Variants in NEO1 observed in about 807,000 individuals in gnomAD.
NEO1 encodes the protein neogenin.
In NEO1, 63 loss-of-function variants were observed where a neutral mutation model predicts 159.7. The ratio of observed to expected loss-of-function variants is 0.39; its 90% CI spans 0.32 to 0.49. The LOEUF (loss-of-function observed/expected upper bound fraction) is 0.49. NEO1 is among the 20% of genes least tolerant of loss of function. The probability of loss-of-function intolerance (pLI) is 0.85; values close to 1 mark genes in which losing one functional copy is unlikely to be tolerated. For missense variants in NEO1, 1,615 were observed against 1,831.0 expected (o/e 0.88, Z 2.15); for synonymous variants, 633 against 662.0 (o/e 0.96, Z 0.67).
At chr15:73,241,534 G>T (rs1278171100) in intron 8 of NEO1, among the ~76,000 whole-genome samples, 1 of 152,154 alleles carries the variant, frequency 6.6e-6, no homozygotes, top group Non-Finnish European at 1.5e-5. Flanking sequence ...CATAAAGAAA[G>T]TGAGGCCCAG....
intron 6 of NEO1, among the ~76,000 whole-genome samples, chr15:73,178,071 T>G (rs532366841): frequency 6.6e-6 from 1 of 152,318 alleles, no homozygotes; most frequent in Non-Finnish European, 1.5e-5. Context: ...AGTATGACTT[T>G]CCATGCGTTA....
In NEO1 at chr15:73,116,695, G is replaced by A. The variant is rs1344233756; in HGVS notation, c.286G>A (p.Val96Ile). The A allele has an allele frequency of 6.2e-7, 1 of 1,613,922 alleles. No individual in the cohort carries two copies. Among genetic ancestry groups the A allele is most frequent in the Admixed American group, 1.7e-5 (1 of 60,000 alleles). Residue 96 changes from valine to isoleucine, a missense_variant, in exon 2 of 29, where the codon GTA becomes ATA. Coordinates refer to ENST00000261908, the MANE Select transcript of NEO1 (RefSeq NM_002499.4). ...AAAAGATGGAACTTTTTTAAACTTA[G>A]TATCAGATGATCGACGCCAGCTTCT... ...WKKDGTFLNL[V>I]SDDRRQLLPD...
intron 25 of NEO1, among the ~76,000 whole-genome samples, chr15:73,291,857 T>C (rs1213213559): frequency 2.6e-5 from 4 of 152,160 alleles, no homozygotes; most frequent in Non-Finnish European, 5.9e-5. Flanking sequence ...AGTCCTAAAA[T>C]GCTTTCAAAT....
At chr15:73,259,548 C>T (rs1287403050) in intron 14 of NEO1, among the ~76,000 whole-genome samples, 1 of 151,846 alleles carries the variant, frequency 6.6e-6, no homozygotes, top group Non-Finnish European at 1.5e-5. Context: ...GAGACAGGGT[C>T]TCACTATGTT....
At chr15:73,135,769 T>G in intron 4 of NEO1, 122 bp from the exon 5 acceptor site, 1 of 891,988 alleles carries the variant, frequency 1.1e-6, no homozygotes, top group Non-Finnish European at 1.5e-6. Flanking sequence ...TCTTGGTTCA[T>G]CTATAGCTAT....
chr15:73,226,835 A>T (rs1485815869), intron 7 of NEO1, among the ~76,000 whole-genome samples: 2 of 152,234 alleles, frequency 1.3e-5, no homozygotes, highest in African/African-American at 4.8e-5. Flanking sequence ...AGAAATTTTT[A>T]AAGAAATTTC....
At chr15:73,173,125 CA>C (rs2035070137) in intron 5 of NEO1, among the ~76,000 whole-genome samples, 1 of 152,106 alleles carries the variant, frequency 6.6e-6, no homozygotes, top group African/African-American at 2.4e-5. Flanking sequence ...CTCACAGTTG[CA>C]AACATCTTCA....
At chr15:73,248,987 G>A in intron 9 of NEO1, 73 bp from the exon 10 acceptor site, 1 of 1,459,946 alleles carries the variant, frequency 6.8e-7, no homozygotes, top group South Asian at 1.3e-5. Flanking sequence ...CAATATGACA[G>A]TATTGCCAAG....
intron 1 of NEO1, among the ~76,000 whole-genome samples, chr15:73,103,374 T>A (rs529087870): frequency 3.3e-5 from 5 of 152,304 alleles, no homozygotes; most frequent in African/African-American, 1.2e-4. Context: ...TTTCTTTGAG[T>A]ACTTTGCCAC....
rs16957667 is a variant in NEO1, at chr15:73,168,788, A to G, written c.1016-7615A>G. Among the ~76,000 whole-genome samples the G allele has an allele frequency of 3.0e-3, 452 of 152,310 alleles. 4 individuals are homozygous for G. The highest frequency in any genetic ancestry group is 1.0e-2 in the African/African-American group (414 of 41,576). On this transcript the variant is annotated intron_variant, in intron 5 of 28. Coordinates refer to ENST00000261908, the MANE Select transcript of NEO1 (RefSeq NM_002499.4). ...ATATTCTTGCTTTGTTAGTTGAGTC[A>G]GTACCAATAGTACACTTGTGATTAG...
At chr15:73,076,390 C>G (rs1199326209) in intron 1 of NEO1, among the ~76,000 whole-genome samples, 4 of 152,100 alleles carry the variant, frequency 2.6e-5, no homozygotes, top group African/African-American at 9.7e-5. Context: ...TGATTGGAGA[C>G]TGAAGGACCT....
At chr15:73,099,135 A>G (rs544220727) in intron 1 of NEO1, among the ~76,000 whole-genome samples, 3 of 152,170 alleles carry the variant, frequency 2.0e-5, no homozygotes, top group Non-Finnish European at 4.4e-5. Context: ...GTTTATATAT[A>G]TATGACTTCA....
intron 1 of NEO1, among the ~76,000 whole-genome samples, chr15:73,086,489 G>A (rs2069365374): frequency 6.6e-6 from 1 of 150,790 alleles, no homozygotes; most frequent in South Asian, 2.1e-4. Context: ...ATTGTATTAA[G>A]TTCATAGACT....
chr15:73,059,322 G>A (rs887267266), intron 1 of NEO1, among the ~76,000 whole-genome samples: 5 of 152,120 alleles, frequency 3.3e-5, no homozygotes, highest in African/African-American at 1.2e-4. Flanking sequence ...TTAGCAGGTT[G>A]GTGGTCTGAA....
chr15:73,162,127 G>T, intron 5 of NEO1: 1 of 225,048 alleles, frequency 4.4e-6, no homozygotes, highest in Non-Finnish European at 9.2e-6. Flanking sequence ...CCACAACCCG[G>T]GTAACCTTGC....
chr15:73,200,080 C>T (rs1198370829), intron 7 of NEO1, among the ~76,000 whole-genome samples: 1 of 152,140 alleles, frequency 6.6e-6, no homozygotes, highest in Non-Finnish European at 1.5e-5. Flanking sequence ...CCCTCTGTTT[C>T]TGTTTTCTCG....
Position 73,298,620 on chromosome 15 carries a change from G to T in NEO1, c.4165+9G>T, listed in dbSNP as rs928815483. ...ATTACTGTCCCAGCAAGGTGAGTGA[G>T]GATGGCAGCACACCTGGAGGGAGCA... On this transcript the variant is annotated intron_variant, in intron 27 of 28. Coordinates refer to ENST00000261908, the MANE Select transcript of NEO1 (RefSeq NM_002499.4). The T allele has an allele frequency of 6.2e-7, 1 of 1,614,040 alleles. No individual in the cohort carries two copies. The highest frequency in any genetic ancestry group is 8.5e-7 in the Non-Finnish European group (1 of 1,179,926).
intron 4 of NEO1, among the ~76,000 whole-genome samples, chr15:73,127,628 A>G (rs1292777296): frequency 6.6e-6 from 1 of 152,224 alleles, no homozygotes; most frequent in Non-Finnish European, 1.5e-5. Flanking sequence ...GTTCAATTGA[A>G]ATATAATGCA....
intron 7 of NEO1, among the ~76,000 whole-genome samples, chr15:73,223,502 C>T (rs1250462096): frequency 6.6e-6 from 1 of 152,140 alleles, no homozygotes; most frequent in Non-Finnish European, 1.5e-5. Context: ...GTGATATTTT[C>T]CTGTTAGACA....
Sources: allele counts gnomAD v4.1 joint callset (sites outside exome capture counted in the v4.1 genomes callset), GRCh38; gene constraint gnomAD v4.1.1; transcripts MANE v1.5; gene names NCBI Gene and HGNC (gene_info 2026-07-23, HGNC 2026-07-21).